CELF2: variants seen among roughly 807,000 people sequenced by gnomAD.
CELF2 encodes the protein CUGBP Elav-like family member 2, also known as CUG triplet repeat RNA-binding protein 2.
In CELF2, 8 loss-of-function variants were observed where a neutral mutation model predicts 62.6. The observed-to-expected ratio is 0.13, with a 90% CI of 0.07 to 0.23. CELF2 has a LOEUF of 0.23. CELF2 is among the 10% of genes least tolerant of loss of function. The pLI, the probability that CELF2 is intolerant of heterozygous loss-of-function variation, is 1.00. For synonymous variants in CELF2, 258 were observed against 250.0 expected, an observed-to-expected ratio of 1.03 and a Z score of -0.30; for missense variants, 333 against 671.0, an observed-to-expected ratio of 0.50 and a Z score of 5.56.
intron 9 of CELF2, among the ~76,000 whole-genome samples, chr10:11,307,746 T>A (rs2094333553): frequency 6.6e-6 from 1 of 152,208 alleles, no homozygotes; most frequent in Admixed American, 6.5e-5. Context: ...TGAAAAGAGC[T>A]GATGAAACTA....
chr10:10,867,521 T>C (rs1056687412), intron 1 of CELF2, among the ~76,000 whole-genome samples: 1 of 152,246 alleles, frequency 6.6e-6, no homozygotes, highest in African/African-American at 2.4e-5. Flanking sequence ...CATTCTCTTC[T>C]TTCATATCGC....
At chr10:10,627,252 C>A in the CELF2 span, among the ~76,000 whole-genome samples, 2 of 152,152 alleles carry the variant, frequency 1.3e-5, no homozygotes, top group South Asian at 4.1e-4. Context: ...ACAGATATAC[C>A]TTCAAGAGGG....
At chr10:11,253,145 T>C (rs887625924) in intron 4 of CELF2, among the ~76,000 whole-genome samples, 30 of 152,212 alleles carry the variant, frequency 2.0e-4, no homozygotes, top group African/African-American at 6.8e-4. Context: ...GGAGCTGTGC[T>C]CACTCTGATG....
At chr10:10,899,944 G>A (rs898333296) in intron 1 of CELF2, among the ~76,000 whole-genome samples, 7 of 152,170 alleles carry the variant, frequency 4.6e-5, no homozygotes, top group African/African-American at 1.2e-4. Flanking sequence ...GGGTGGGGAC[G>A]CAGACCCAAA....
the CELF2 span, among the ~76,000 whole-genome samples, chr10:10,467,223 C>T: frequency 6.6e-6 from 1 of 152,014 alleles, no homozygotes; most frequent in African/African-American, 2.4e-5. Flanking sequence ...TCAGTGTTCA[C>T]ACACAGTTAT....
the CELF2 span, among the ~76,000 whole-genome samples, chr10:10,612,616 C>T: frequency 3.3e-5 from 5 of 152,252 alleles, no homozygotes; most frequent in Admixed American, 2.6e-4. Context: ...TGACAGTAAG[C>T]CTCTCAATTT....
intron 2 of CELF2, among the ~76,000 whole-genome samples, chr10:10,969,803 C>T (rs1191725933): frequency 6.6e-6 from 1 of 152,222 alleles, no homozygotes; most frequent in Non-Finnish European, 1.5e-5. Context: ...GTTTATCCCT[C>T]ATGTCTGTGG....
chr10:10,718,874 T>A, the CELF2 span, among the ~76,000 whole-genome samples: 1 of 152,130 alleles, frequency 6.6e-6, no homozygotes, highest in Non-Finnish European at 1.5e-5. Context: ...CCCAAATATT[T>A]TAAGCAGCAA....
intron 1 of CELF2, among the ~76,000 whole-genome samples, chr10:10,883,720 G>T (rs1320344204): frequency 4.6e-5 from 7 of 152,182 alleles, no homozygotes; most frequent in African/African-American, 1.7e-4. Context: ...AGGGTGGAAA[G>T]TTGGGGAGAA....
chr10:10,504,044 G>A, the CELF2 span, among the ~76,000 whole-genome samples: 16 of 151,942 alleles, frequency 1.1e-4, no homozygotes, highest in African/African-American at 3.9e-4. Flanking sequence ...TGTTTATAAT[G>A]TAATTGTCTT....
In CELF2 at chr10:11,288,660, CGGGATACTATACT is replaced by C. The variant is rs2091930702; in HGVS notation, c.976+112_976+124del. 1.3e-5 allele frequency: 16 copies of C among 1,263,524 alleles called. 1 individual carries two copies. The South Asian group carries it at 2.3e-4, about 18-fold the overall frequency. The allele number at this position is 1,263,524 out of a possible 1,614,324, so 78.3% of individuals were successfully genotyped here. On this transcript the variant is annotated intron_variant, in intron 9 of 12. Transcript: ENST00000633077. ...AGGCTAGACGTGTCCAGGATGGAGC[CGGGATACTATACT>C]GGGCTGCTTTATGTCATTGGGTTAT...
chr10:10,783,143 A>G, the CELF2 span, among the ~76,000 whole-genome samples: 1 of 152,150 alleles, frequency 6.6e-6, no homozygotes, highest in African/African-American at 2.4e-5. Flanking sequence ...GTGGCAGAAA[A>G]GATTTGTTAT....
At chr10:10,749,685 G>T in the CELF2 span, among the ~76,000 whole-genome samples, 1 of 152,176 alleles carries the variant, frequency 6.6e-6, no homozygotes, top group African/African-American at 2.4e-5. Flanking sequence ...TTTGTAGTAT[G>T]ATCCCAGCTT....
At chr10:11,006,355 A>C (rs746804197) in intron 1 of CELF2, among the ~76,000 whole-genome samples, 102 of 152,204 alleles carry the variant, frequency 6.7e-4, no homozygotes, top group Non-Finnish European at 1.2e-3. Context: ...GCTTTTAAAA[A>C]ATTTAGTATC....
At chr10:10,944,964 G>A (rs2135548378) in intron 2 of CELF2, among the ~76,000 whole-genome samples, 1 of 152,224 alleles carries the variant, frequency 6.6e-6, no homozygotes, top group African/African-American at 2.4e-5. Context: ...ATCAGGAGAG[G>A]GGAGAAGGGG....
At chr10:10,854,278 G>C (rs1039303022) in intron 1 of CELF2, among the ~76,000 whole-genome samples, 1 of 152,156 alleles carries the variant, frequency 6.6e-6, no homozygotes, top group Admixed American at 6.5e-5. Context: ...AACAATTTGG[G>C]GGAAGGGTGC....
the CELF2 span, among the ~76,000 whole-genome samples, chr10:10,626,149 A>G: frequency 1.7e-4 from 26 of 152,146 alleles, no homozygotes; most frequent in Non-Finnish European, 3.2e-4. Context: ...CATTAAGTTG[A>G]TATTCTTGAG....
rs965723884 is a variant in CELF2 at position 11,242,864 on chromosome 10, T to C, written c.355-6289T>C. 2.0e-5 allele frequency among the ~76,000 whole-genome samples: 3 copies of C among 152,090 alleles called. No homozygotes were observed. Among genetic ancestry groups the C allele is most frequent in the Non-Finnish European group, 4.4e-5 (3 of 68,020 alleles). On this transcript the variant is annotated intron_variant, in intron 3 of 12. Transcript: ENST00000633077. The surrounding 1 kb of genome is among the most constrained non-coding windows in gnomAD (Gnocchi z 4.8). ...AGGAGGTGGGACGAAGGGGGAGGCCTGATGCTGGGAGGCTTGTGTGGTCCG... is the reference window on the plus strand; with the variant it reads ...AGGAGGTGGGACGAAGGGGGAGGCCCGATGCTGGGAGGCTTGTGTGGTCCG...
intron 1 of CELF2, among the ~76,000 whole-genome samples, chr10:10,872,973 C>T (rs188452697): frequency 6.6e-6 from 1 of 152,292 alleles, no homozygotes; most frequent in East Asian, 1.9e-4. Context: ...TAAAATAAAA[C>T]ATAAACTTTC....
Sources: allele counts gnomAD v4.1 joint callset (sites outside exome capture counted in the v4.1 genomes callset), GRCh38; gene constraint gnomAD v4.1.1; non-coding constraint Gnocchi (gnomAD v3.1); transcripts MANE v1.5; gene names NCBI Gene and HGNC (gene_info 2026-07-23, HGNC 2026-07-21).